Variants in STXBP4 observed in about 807,000 individuals in gnomAD.
STXBP4 encodes the protein syntaxin binding protein 4, also known as syntaxin-binding protein 4.
STXBP4 carries 55 observed loss-of-function variants against 76.1 expected under a neutral mutation model. That is an observed-to-expected ratio of 0.72 (90% CI 0.58 to 0.91). STXBP4 has a LOEUF of 0.91. Among genes scored for constraint, STXBP4 ranks in the 40% least tolerant of loss-of-function variants. The pLI, the probability that STXBP4 is intolerant of heterozygous loss-of-function variation, is 0.00. For missense variants in STXBP4, 618 were observed against 636.9 expected (o/e 0.97, Z 0.32); for synonymous variants, 201 against 220.2 (o/e 0.91, Z 0.77).
At chr17:55,060,157 A>G (rs1447705487) in intron 12 of STXBP4, among the ~76,000 whole-genome samples, 1 of 152,092 alleles carries the variant, frequency 6.6e-6, no homozygotes, top group African/African-American at 2.4e-5. Flanking sequence ...AGACTACCCA[A>G]AATCAACCCT....
chr17:55,043,565 G>T, intron 11 of STXBP4: 1 of 1,485,440 alleles, frequency 6.7e-7, no homozygotes, highest in South Asian at 1.2e-5. Context: ...TTTTGCTCAT[G>T]TCTTCTGTTG....
intron 1 of STXBP4, among the ~76,000 whole-genome samples, chr17:54,982,590 TG>T (rs2077565075): frequency 1.1e-5 from 1 of 87,166 alleles, no homozygotes; most frequent in South Asian, 5.0e-4. Context: ...AACTTGAGGG[TG>T]GTTTGTGTGT....
chr17:55,196,027 G>A, the STXBP4 span, among the ~76,000 whole-genome samples: 1 of 152,150 alleles, frequency 6.6e-6, no homozygotes, highest in East Asian at 1.9e-4. Context: ...TTGGCACATA[G>A]TAGGTGTTTG....
chr17:55,088,981 C>G (rs1335725513), intron 16 of STXBP4, among the ~76,000 whole-genome samples: 1 of 152,164 alleles, frequency 6.6e-6, no homozygotes, highest in African/African-American at 2.4e-5. Context: ...AACAATGCTC[C>G]ACAGAATCTC....
chr17:55,141,498 C>G, intron 17 of STXBP4, 131 bp downstream of exon 17: 1 of 648,274 alleles, frequency 1.5e-6, no homozygotes, highest in South Asian at 2.8e-5. Flanking sequence ...GAAATGAAGC[C>G]TCACCATTTT....
chr17:55,185,444 T>C, the STXBP4 span, among the ~76,000 whole-genome samples: 1 of 151,712 alleles, frequency 6.6e-6, no homozygotes, highest in Non-Finnish European at 1.5e-5. Context: ...AAGTGGGGTG[T>C]GTGTACGTGT....
chr17:55,021,987 T>A (rs1367391989), intron 8 of STXBP4, among the ~76,000 whole-genome samples: 1 of 152,124 alleles, frequency 6.6e-6, no homozygotes, highest in Non-Finnish European at 1.5e-5. Flanking sequence ...CACAGTGGCA[T>A]TGTTTATATT....
intron 12 of STXBP4, among the ~76,000 whole-genome samples, chr17:55,047,542 G>A (rs988140413): frequency 6.0e-5 from 9 of 150,752 alleles, no homozygotes; most frequent in Admixed American, 1.3e-4. Flanking sequence ...AAGTCATCAA[G>A]GCAGAGCATT....
intron 1 of STXBP4, among the ~76,000 whole-genome samples, chr17:54,984,341 T>TTTC: frequency 9.0e-6 from 1 of 111,350 alleles, no homozygotes; most frequent in African/African-American, 5.2e-5. Context: ...TCTTTTTTCT[T>TTTC]TTTTTTTTTT....
chr17:55,126,485 A>G (rs1193530636), intron 16 of STXBP4, among the ~76,000 whole-genome samples: 1 of 152,150 alleles, frequency 6.6e-6, no homozygotes, highest in Non-Finnish European at 1.5e-5. Flanking sequence ...GTAGAAATAA[A>G]CAGGAATGGG....
At position 55,170,864 on chromosome 17, in the gene STXBP4, A is replaced by C. The variant is rs1170635537; in HGVS notation, c.*10953A>C. The C allele has an allele frequency of 6.6e-6, 1 of 152,220 alleles. No homozygotes were observed. Among genetic ancestry groups the C allele is most frequent in the East Asian group, 1.9e-4 (1 of 5,206 alleles). The allele number at this position is 152,220 out of a possible 1,614,324, so 9.4% of individuals were successfully genotyped here. ...TTCAGGATTTGTTTTTCCTGCTAGAAATGCTAGAGTTGTCACAGATGTGAT... is the reference window on the plus strand; with the variant it reads ...TTCAGGATTTGTTTTTCCTGCTAGACATGCTAGAGTTGTCACAGATGTGAT... On this transcript the variant is annotated 3_prime_UTR_variant, in exon 18 of 18. Transcript: ENST00000376352.
intron 15 of STXBP4, among the ~76,000 whole-genome samples, chr17:55,079,437 C>A (rs1320870425): frequency 6.6e-6 from 1 of 151,984 alleles, no homozygotes; most frequent in East Asian, 1.9e-4. Context: ...TCTTCTACTT[C>A]TAGCAATATA....
chr17:55,088,075 A>G lies in STXBP4; in HGVS notation c.1489+6892A>G, dbSNP rs539895623. Among the ~76,000 whole-genome samples the G allele has an allele frequency of 4.7e-4, 72 of 152,346 alleles. 1 individual carries two copies. The South Asian group carries it at 7.7e-3, about 16-fold the overall frequency. ...ATTGCTAATGTTGGCACATTTTGCCAGTACTTTTTATAAATTTGTATGACA... is the reference window on the plus strand; with the variant it reads ...ATTGCTAATGTTGGCACATTTTGCCGGTACTTTTTATAAATTTGTATGACA... On this transcript the variant is annotated intron_variant, in intron 16 of 17. Coordinates refer to ENST00000376352, the MANE Select transcript of STXBP4 (RefSeq NM_178509.6).
At position 55,092,857 on chromosome 17, in the gene STXBP4, G is replaced by A. The variant is rs149814570; in HGVS notation, c.1489+11674G>A. ...AGCTAAAGCTTAGACTTGATATGGC[G>A]TCTTCTCATTCTACTTATTCTGGAC... On this transcript the variant is annotated intron_variant, in intron 16 of 17. Coordinates refer to ENST00000376352, the MANE Select transcript of STXBP4 (RefSeq NM_178509.6). Among the ~76,000 whole-genome samples the A allele has an allele frequency of 6.2e-3, 946 of 152,164 alleles. 7 individuals carry two copies. Among genetic ancestry groups the A allele is most frequent in the Middle Eastern group, 0.024 (7 of 294 alleles).
In STXBP4 at chr17:55,026,091, CCAT is replaced by C. The variant is rs2078408050; in HGVS notation, c.667-5073_667-5071del. 2.0e-5 allele frequency among the ~76,000 whole-genome samples: 3 copies of C among 151,896 alleles called. No individual in the cohort carries two copies. In the South Asian group the frequency reaches 6.3e-4, roughly 32 times the overall value. ...AGACATATATACTTAAAACTACAAA[CCAT>C]CATTGAAAGAAATTGAAGAAGACCT... On this transcript the variant is annotated intron_variant, in intron 8 of 17. Transcript: ENST00000376352.
intron 8 of STXBP4, chr17:55,030,920 A>G (rs2078495974): frequency 2.9e-6 from 1 of 350,174 alleles, no homozygotes; most frequent in African/African-American, 2.1e-5. Context: ...TTTTGGTTCT[A>G]GGACAATGTC....
chr17:55,087,305 T>C (rs372082585), intron 16 of STXBP4, among the ~76,000 whole-genome samples: 2 of 152,220 alleles, frequency 1.3e-5, no homozygotes, highest in East Asian at 3.8e-4. Context: ...TTTGCTTTTG[T>C]TGCCTGTGCT....
At chr17:55,179,652 C>T in the STXBP4 span, among the ~76,000 whole-genome samples, 1 of 152,142 alleles carries the variant, frequency 6.6e-6, no homozygotes, top group Non-Finnish European at 1.5e-5. Context: ...TCTCCCTATT[C>T]AATATGAAGA....
At chr17:55,093,063 C>T (rs1262142473) in intron 16 of STXBP4, among the ~76,000 whole-genome samples, 1 of 151,988 alleles carries the variant, frequency 6.6e-6, no homozygotes, top group South Asian at 2.1e-4. Flanking sequence ...GGCGCAATCT[C>T]GGCTCACTGC....
Sources: allele counts gnomAD v4.1 joint callset (sites outside exome capture counted in the v4.1 genomes callset), GRCh38; gene constraint gnomAD v4.1.1; transcripts MANE v1.5; gene names NCBI Gene and HGNC (gene_info 2026-07-23, HGNC 2026-07-21).